LRIG2: variants seen among roughly 807,000 people sequenced by gnomAD.
The protein encoded by LRIG2 is leucine rich repeats and immunoglobulin like domains 2.
Under a neutral mutation model 107.8 loss-of-function variants are expected in LRIG2, and 93 were observed. The observed-to-expected ratio is 0.86, with a 90% CI of 0.73 to 1.03. The LOEUF is 1.03. Ranked by LOEUF, LRIG2 falls within the 50% of genes least tolerant of loss-of-function variation. The probability of loss-of-function intolerance (pLI) is 0.00; values close to 1 mark genes in which losing one functional copy is unlikely to be tolerated. For missense variants in LRIG2, 1,226 were observed against 1,296.0 expected (o/e 0.95, Z 0.83); for synonymous variants, 471 against 470.6 (o/e 1.00, Z -0.01).
intron 11 of LRIG2, among the ~76,000 whole-genome samples, chr1:113,104,831 C>T (rs1654464509): frequency 6.6e-6 from 1 of 152,082 alleles, no homozygotes; most frequent in Non-Finnish European, 1.5e-5. Context: ...TCTCAGTTTC[C>T]ATTTCTAGAA....
chr1:113,123,998 A>AGCC lies in LRIG2; in HGVS notation c.3096_3098dup (p.Pro1033dup). The AGCC allele has an allele frequency of 6.2e-7, 1 of 1,614,088 alleles. No individual in the cohort carries two copies. The highest frequency in any genetic ancestry group is 1.6e-4 in the Middle Eastern group (1 of 6,062). Reference sequence around the variant, plus strand: ...CAAAATGAGGGCCTGGCAGGGAGAGAGCCAGACTGTTCTGCTTCTTCCATG... The same window carrying AGCC: ...CAAAATGAGGGCCTGGCAGGGAGAGAGCCGCCAGACTGTTCTGCTTCTTCCATG... On this transcript the variant is annotated inframe_insertion, in exon 18 of 18. Coordinates refer to ENST00000361127, the MANE Select transcript of LRIG2 (RefSeq NM_014813.3).
intron 1 of LRIG2, among the ~76,000 whole-genome samples, chr1:113,079,505 A>T (rs1653156031): frequency 6.6e-6 from 1 of 150,964 alleles, no homozygotes; most frequent in Non-Finnish European, 1.5e-5. Flanking sequence ...TAAGATGGTG[A>T]AACCCCATCT....
At chr1:113,082,369 CA>C (rs1001279555) in intron 1 of LRIG2, among the ~76,000 whole-genome samples, 3 of 152,158 alleles carry the variant, frequency 2.0e-5, no homozygotes, top group African/African-American at 7.2e-5. Flanking sequence ...GGTTGTTACA[CA>C]ATTATACCCT....
chr1:113,078,940 A>G (rs1653122826), intron 1 of LRIG2, among the ~76,000 whole-genome samples: 1 of 152,096 alleles, frequency 6.6e-6, no homozygotes, highest in Non-Finnish European at 1.5e-5. Context: ...ACAACCGGCC[A>G]GAGGAGGCAA....
chr1:113,102,642 A>G (rs997388999), intron 11 of LRIG2, among the ~76,000 whole-genome samples: 4 of 152,006 alleles, frequency 2.6e-5, no homozygotes, highest in African/African-American at 9.7e-5. Flanking sequence ...CTTGAAAAGC[A>G]TATCGAATTT....
At chr1:113,102,427 G>A (rs1216812) in intron 11 of LRIG2, among the ~76,000 whole-genome samples, 131,057 of 151,754 alleles carry the variant, frequency 0.86, 59,178 homozygotes, top group Non-Finnish European at 0.98. Flanking sequence ...CCCCAACCAC[G>A]CCCGGTTAAT....
intron 1 of LRIG2, among the ~76,000 whole-genome samples, chr1:113,081,522 A>G (rs1293341209): frequency 6.6e-6 from 1 of 151,818 alleles, no homozygotes; most frequent in Admixed American, 6.6e-5. Context: ...ACGGGGTTTC[A>G]CCATATTGGC....
chr1:113,080,624 C>T (rs1248780458), intron 1 of LRIG2, among the ~76,000 whole-genome samples: 9 of 151,552 alleles, frequency 5.9e-5, no homozygotes, highest in South Asian at 2.1e-4. Flanking sequence ...ATGATCCACC[C>T]GTCTCGGCCT....
At chr1:113,121,482 G>C (rs536449245) in intron 17 of LRIG2, among the ~76,000 whole-genome samples, 17 of 152,006 alleles carry the variant, frequency 1.1e-4, no homozygotes, top group Non-Finnish European at 2.1e-4. Context: ...GGTGGCTCAC[G>C]CCTGTAATCC....
rs1557915871 is a variant in LRIG2, at chr1:113,112,564, C to T, written c.1884C>T (p.His628=). Residue 628 remains histidine (H), a synonymous_variant, in exon 14 of 18, where the codon CAC becomes CAT. Coordinates refer to ENST00000361127, the MANE Select transcript of LRIG2 (RefSeq NM_014813.3). ...GATTAGAATGTGCTGCAGAGGGACA[C>T]CCTGCACCTCAGATTTCCTGGCAGA... ...MARLECAAEG[H]PAPQISWQKD... The T allele has an allele frequency of 1.9e-6, 3 of 1,614,218 alleles. No individual in the cohort carries two copies. Among genetic ancestry groups the T allele is most frequent in the Non-Finnish European group, 2.5e-6 (3 of 1,180,034 alleles).
chr1:113,084,875 A>T, intron 1 of LRIG2, among the ~76,000 whole-genome samples: 1 of 152,228 alleles, frequency 6.6e-6, no homozygotes, highest in East Asian at 1.9e-4. Context: ...TATATTTCCT[A>T]TGCTAGAGAA....
In LRIG2 at chr1:113,112,561, A is replaced by G; in HGVS notation, c.1881A>G (p.Gly627=). Residue 627 remains glycine (G), a synonymous_variant, in exon 14 of 18, where the codon GGA becomes GGG. Coordinates refer to ENST00000361127, the MANE Select transcript of LRIG2 (RefSeq NM_014813.3). ...AMARLECAAE[G]HPAPQISWQK... Reference sequence around the variant, plus strand: ...CCAGATTAGAATGTGCTGCAGAGGGACACCCTGCACCTCAGATTTCCTGGC... The same window carrying G: ...CCAGATTAGAATGTGCTGCAGAGGGGCACCCTGCACCTCAGATTTCCTGGC... 1 of 1,614,094 alleles carries G rather than the reference A, an allele frequency of 6.2e-7. No homozygotes were observed. Among genetic ancestry groups the G allele is most frequent in the Non-Finnish European group, 8.5e-7 (1 of 1,179,926 alleles).
chr1:113,102,872 A>C (rs1654364180), intron 11 of LRIG2, among the ~76,000 whole-genome samples: 1 of 152,186 alleles, frequency 6.6e-6, no homozygotes, highest in Non-Finnish European at 1.5e-5. Flanking sequence ...AATGTTATGA[A>C]AATCATCATA....
rs192625547 is a variant in LRIG2, at chr1:113,125,049, C to T, written c.*948C>T. The T allele has an allele frequency of 2.3e-3, 345 of 152,138 alleles. 2 individuals are homozygous for T. The highest frequency in any genetic ancestry group is 7.8e-3 in the African/African-American group (323 of 41,502). 9.4% of individuals were successfully genotyped at this position (152,138 alleles called of 1,614,324 possible). On this transcript the variant is annotated 3_prime_UTR_variant, in exon 18 of 18. Transcript: ENST00000361127. ...GACATTGTGGCATGCTGCTGTAGTC[C>T]TAGCTACTTGGGAGGCTGAGGTGGG...
chr1:113,095,334 A>G lies in LRIG2; in HGVS notation c.804-540A>G, dbSNP rs116655108. Among the ~76,000 whole-genome samples, 1,311 of 151,588 alleles carry G rather than the reference A, an allele frequency of 8.6e-3. 24 individuals are homozygous for G. Among genetic ancestry groups the G allele is most frequent in the African/African-American group, 0.03 (1,241 of 41,312 alleles). ...TACCAGAATTTATCCAAACAGGTATACTATACCACTTGGCCTGTTGGTTTT... is the reference window on the plus strand; with the variant it reads ...TACCAGAATTTATCCAAACAGGTATGCTATACCACTTGGCCTGTTGGTTTT... On this transcript the variant is annotated intron_variant, in intron 6 of 17. Transcript: ENST00000361127.
At chr1:113,080,059 T>C (rs1653191789) in intron 1 of LRIG2, among the ~76,000 whole-genome samples, 1 of 142,232 alleles carries the variant, frequency 7.0e-6, no homozygotes, top group Admixed American at 7.3e-5. Flanking sequence ...TCTTGCTCTG[T>C]CGCCAGGCTG....
intron 9 of LRIG2, among the ~76,000 whole-genome samples, chr1:113,099,650 T>TC (rs913105926): frequency 6.6e-6 from 1 of 152,208 alleles, no homozygotes; most frequent in African/African-American, 2.4e-5. Flanking sequence ...GAATTTCTAT[T>TC]CAAGTAAAAG....
Position 113,110,358 on chromosome 1 carries a change from G to C in LRIG2, c.1594G>C (p.Val532Leu). The change falls in exon 13 of 18, where the codon GTG becomes CTG. Residue 532 changes from valine to leucine, a missense_variant. Around this residue, in one of 3 missense-constraint regions of LRIG2, gnomAD observed 642 missense variants for 712.2 expected, o/e 0.90. Coordinates refer to ENST00000361127, the MANE Select transcript of LRIG2 (RefSeq NM_014813.3). ...CAGCAGTGATTCACCCATGTCCACT[G>C]TGTGGCGCAAAGACAGTGAAATCCT... ...VSSSDSPMST[V>L]WRKDSEILYD... The C allele has an allele frequency of 6.2e-7, 1 of 1,614,178 alleles. No homozygotes were observed. Among genetic ancestry groups the C allele is most frequent in the Non-Finnish European group, 8.5e-7 (1 of 1,180,036 alleles).
At chr1:113,089,591 C>A (rs536322394) in intron 1 of LRIG2, among the ~76,000 whole-genome samples, 1 of 149,970 alleles carries the variant, frequency 6.7e-6, no homozygotes, top group African/African-American at 2.4e-5. Context: ...GCCTGTCTGC[C>A]TTTATAAATG....
Sources: allele counts gnomAD v4.1 joint callset (sites outside exome capture counted in the v4.1 genomes callset), GRCh38; gene constraint gnomAD v4.1.1; regional missense constraint gnomAD v4.1.1; transcripts MANE v1.5; gene names NCBI Gene and HGNC (gene_info 2026-07-23, HGNC 2026-07-21).